Variants in IQCM observed in about 807,000 individuals in gnomAD.
IQCM encodes IQ domain-containing protein M.
A neutral mutation model predicts 57.6 loss-of-function variants in IQCM; 45 were observed. The ratio of observed to expected loss-of-function variants is 0.78; its 90% CI spans 0.62 to 1.00. The LOEUF is 1.00. IQCM is among the 50% of genes least tolerant of loss of function. The pLI is 0.00. For missense variants in IQCM, 468 were observed against 511.6 expected (o/e 0.91, Z 0.82); for synonymous variants, 148 against 158.9 (o/e 0.93, Z 0.51).
intron 12 of IQCM, among the ~76,000 whole-genome samples, chr4:149,548,236 T>C (rs1170674994): frequency 6.6e-6 from 1 of 152,144 alleles, no homozygotes; most frequent in Non-Finnish European, 1.5e-5. Context: ...AAAACCTGTA[T>C]TGTATTAACT....
At chr4:149,636,885 T>G (rs1757763262) in intron 7 of IQCM, among the ~76,000 whole-genome samples, 1 of 152,074 alleles carries the variant, frequency 6.6e-6, no homozygotes, top group Non-Finnish European at 1.5e-5. Flanking sequence ...GGCTCACGCC[T>G]GTAATCCCAG....
intron 7 of IQCM, among the ~76,000 whole-genome samples, chr4:149,636,693 C>T (rs1338223892): frequency 1.3e-5 from 2 of 152,038 alleles, no homozygotes; most frequent in Non-Finnish European, 2.9e-5. Flanking sequence ...TTCTATTCAG[C>T]ATTGTGCTAG....
intron 12 of IQCM, among the ~76,000 whole-genome samples, chr4:149,443,954 T>C (rs1736237083): frequency 6.6e-6 from 1 of 151,852 alleles, no homozygotes. Flanking sequence ...AGGATGTCAG[T>C]AGGGGAGATT....
intron 7 of IQCM, among the ~76,000 whole-genome samples, chr4:149,664,834 G>A (rs1420149930): frequency 2.0e-5 from 3 of 152,142 alleles, no homozygotes; most frequent in Non-Finnish European, 2.9e-5. Flanking sequence ...GGACACCACT[G>A]TTCTGGTTTT....
chr4:149,555,188 A>C lies in IQCM; in HGVS notation c.949-1901T>G, dbSNP rs371592624. On this transcript the variant is annotated intron_variant, in intron 10 of 13. Coordinates refer to ENST00000636793, the MANE Select transcript of IQCM (RefSeq NM_001363507.2). ...TCTCAACATTTAATAACATTTTTCAATGTGTATTTTTAATCTGCCTTTTGT... is the reference window on the plus strand; with the variant it reads ...TCTCAACATTTAATAACATTTTTCACTGTGTATTTTTAATCTGCCTTTTGT... Among the ~76,000 whole-genome samples the C allele has an allele frequency of 3.5e-4, 53 of 152,194 alleles. No homozygotes were observed. The Middle Eastern group carries it at 0.014, about 39-fold the overall frequency.
intron 2 of IQCM, among the ~76,000 whole-genome samples, chr4:149,778,258 C>T (rs1196889258): frequency 6.6e-6 from 1 of 152,068 alleles, no homozygotes; most frequent in African/African-American, 2.4e-5. Flanking sequence ...CGCCTGTAGT[C>T]CCAGCTACTC....
chr4:149,802,614 A>G (rs941427233), intron 2 of IQCM, among the ~76,000 whole-genome samples: 1 of 152,028 alleles, frequency 6.6e-6, no homozygotes, highest in Admixed American at 6.6e-5. Context: ...TGTCCTGGGA[A>G]GCTTTCCTAA....
At chr4:149,776,526 G>A (rs911355286) in intron 2 of IQCM, among the ~76,000 whole-genome samples, 2 of 152,072 alleles carry the variant, frequency 1.3e-5, no homozygotes, top group African/African-American at 4.8e-5. Context: ...CAACTTGAAA[G>A]AAACATGGTT....
At chr4:149,644,374 C>T (rs1020348818) in intron 7 of IQCM, among the ~76,000 whole-genome samples, 1 of 152,222 alleles carries the variant, frequency 6.6e-6, no homozygotes, top group South Asian at 2.1e-4. Flanking sequence ...AAGAAATAAA[C>T]TTGCCAATGG....
chr4:149,511,011 C>A (rs1744351531), intron 12 of IQCM, among the ~76,000 whole-genome samples: 1 of 152,108 alleles, frequency 6.6e-6, no homozygotes, highest in Admixed American at 6.5e-5. Flanking sequence ...TTTTGAGTTT[C>A]TTTCCTAAAA....
intron 13 of IQCM, among the ~76,000 whole-genome samples, chr4:149,354,362 T>C (rs1728783581): frequency 4.0e-3 from 1 of 248 alleles, no homozygotes; most frequent in African/African-American, 0.012. Flanking sequence ...AGACTCCGTC[T>C]CAAAAAAAAA....
At chr4:149,501,840 T>C (rs1373181123) in intron 12 of IQCM, among the ~76,000 whole-genome samples, 1 of 152,130 alleles carries the variant, frequency 6.6e-6, no homozygotes, top group Non-Finnish European at 1.5e-5. Flanking sequence ...TGCAGATGAA[T>C]GGAGCAGCAG....
At chr4:149,497,638 C>A (rs965749489) in intron 12 of IQCM, among the ~76,000 whole-genome samples, 1 of 151,508 alleles carries the variant, frequency 6.6e-6, no homozygotes, top group Non-Finnish European at 1.5e-5. Context: ...TCCCACAACA[C>A]ATGGGAATTC....
At chr4:149,801,952 T>C (rs758359008) in intron 2 of IQCM, among the ~76,000 whole-genome samples, 3 of 151,966 alleles carry the variant, frequency 2.0e-5, no homozygotes, top group African/African-American at 2.4e-5. Context: ...CCATTCTCCA[T>C]GATGTAATTA....
chr4:149,720,426 G>C (rs946117050), intron 5 of IQCM, among the ~76,000 whole-genome samples: 1 of 152,034 alleles, frequency 6.6e-6, no homozygotes, highest in African/African-American at 2.4e-5. Flanking sequence ...AGTGAACTTT[G>C]TGGCTACTTC....
At position 149,581,170 on chromosome 4, in the gene IQCM, A is replaced by G. The variant is rs567906761; in HGVS notation, c.749+6760T>C. On this transcript the variant is annotated intron_variant, in intron 9 of 13. Transcript: ENST00000636793. The stretch of plus-strand genomic sequence containing the variant: ...GTATGTCATGGCAGGTGGAGGGGTT[A>G]CTGAAAAGATGACATGTAGTAATTA... 8.6e-5 allele frequency among the ~76,000 whole-genome samples: 13 copies of G among 151,804 alleles called. No individual in the cohort carries two copies. In the South Asian group the frequency reaches 2.7e-3, roughly 31 times the overall value.
chr4:149,369,897 T>A (rs931080729), intron 13 of IQCM, among the ~76,000 whole-genome samples: 4 of 152,146 alleles, frequency 2.6e-5, no homozygotes, highest in Non-Finnish European at 5.9e-5. Context: ...TTATTCTTAT[T>A]TAATTTATTA....
chr4:149,467,928 G>A (rs1739039645), intron 12 of IQCM, among the ~76,000 whole-genome samples: 1 of 152,164 alleles, frequency 6.6e-6, no homozygotes, highest in African/African-American at 2.4e-5. Flanking sequence ...TCAATGCAGG[G>A]CACAGAGTAG....
intron 12 of IQCM, among the ~76,000 whole-genome samples, chr4:149,533,819 G>A (rs1284688887): frequency 1.3e-5 from 2 of 152,058 alleles, no homozygotes; most frequent in African/African-American, 4.8e-5. Context: ...AATTACAGTT[G>A]AAGATGAGAT....
Sources: allele counts gnomAD v4.1 joint callset (sites outside exome capture counted in the v4.1 genomes callset), GRCh38; gene constraint gnomAD v4.1.1; transcripts MANE v1.5; gene names NCBI Gene and HGNC (gene_info 2026-07-23, HGNC 2026-07-21).